The following TNN variants were observed in gnomAD, a reference collection of about 807,000 sequenced individuals.
TNN encodes tenascin-N.
Under a neutral mutation model 134.4 loss-of-function variants are expected in TNN, and 122 were observed. The ratio of observed to expected loss-of-function variants is 0.91; its 90% CI spans 0.78 to 1.06. The LOEUF (loss-of-function observed/expected upper bound fraction) is 1.06. TNN is among the 50% of genes least tolerant of loss of function. TNN has a pLI of 0.00. For synonymous variants in TNN, 710 were observed against 670.3 expected (o/e 1.06, Z -0.91); for missense variants, 1,739 against 1,699.4 (o/e 1.02, Z -0.41).
intron 12 of TNN, among the ~76,000 whole-genome samples, chr1:175,126,042 C>T (rs1240132241): frequency 6.7e-6 from 1 of 149,678 alleles, no homozygotes; most frequent in South Asian, 2.1e-4. Context: ...ACTGGGTATG[C>T]ATCTAAGGCC....
intron 9 of TNN, among the ~76,000 whole-genome samples, chr1:175,111,023 GAA>G (rs749532806): frequency 1.5e-5 from 2 of 134,310 alleles, no homozygotes; most frequent in African/African-American, 2.8e-5. Context: ...AAAAATACAA[GAA>G]AAAAAAAAAG....
At chr1:175,079,753 A>T (rs772530730) in intron 3 of TNN, 46 bp downstream of exon 3, 10 of 1,529,186 alleles carry the variant, frequency 6.5e-6, no homozygotes, top group Non-Finnish European at 8.8e-6. Context: ...CTTCTTTCCA[A>T]TGCACCATTT....
At chr1:175,072,608 C>G (rs1444289409) in intron 1 of TNN, among the ~76,000 whole-genome samples, 1 of 152,184 alleles carries the variant, frequency 6.6e-6, no homozygotes, top group East Asian at 1.9e-4. Context: ...CAAGGAGTCT[C>G]TTTCCTGCCA....
chr1:175,095,859 G>A (rs1019041103), intron 7 of TNN, among the ~76,000 whole-genome samples: 2 of 152,258 alleles, frequency 1.3e-5, no homozygotes, highest in East Asian at 3.8e-4. Context: ...ACAGGCGTGA[G>A]CCACCACGCC....
rs1374682817 is a variant in TNN, at chr1:175,102,595, G to C, written c.2119+4000G>C. Among the ~76,000 whole-genome samples, 5 of 146,032 alleles carry C rather than the reference G, an allele frequency of 3.4e-5. 1 individual carries two copies. The highest frequency in any genetic ancestry group is 7.6e-5 in the Non-Finnish European group (5 of 65,646). ...CAGCAGGGCTGGCCGGCTGCTCTGA[G>C]TGCGGGGCCCTCCAAGCCCATGCCC... is the stretch of plus-strand genomic sequence containing the variant. On this transcript the variant is annotated intron_variant, in intron 9 of 18. Coordinates refer to ENST00000239462, the MANE Select transcript of TNN (RefSeq NM_022093.2).
chr1:175,124,888 G>A (rs554231841), intron 12 of TNN, among the ~76,000 whole-genome samples: 1 of 151,556 alleles, frequency 6.6e-6, no homozygotes, highest in East Asian at 1.9e-4. Flanking sequence ...TCTTCTCTTG[G>A]GTTCACCTTC....
At chr1:175,080,549 C>A in intron 4 of TNN, 123 bp downstream of exon 4, 2 of 1,217,716 alleles carry the variant, frequency 1.6e-6, no homozygotes, top group Non-Finnish European at 2.3e-6. Context: ...CTGCCACAAT[C>A]CTAGGTTCTG....
At chr1:175,108,334 C>T (rs59532648) in intron 9 of TNN, among the ~76,000 whole-genome samples, 2,723 of 152,314 alleles carry the variant, frequency 0.018, 79 homozygotes, top group African/African-American at 0.062. Context: ...TGTTTACAAT[C>T]TCTGAGCTAG....
At chr1:175,135,589 G>A (rs573233511) in intron 15 of TNN, among the ~76,000 whole-genome samples, 1 of 152,186 alleles carries the variant, frequency 6.6e-6, no homozygotes, top group African/African-American at 2.4e-5. Flanking sequence ...CTAATGGAAA[G>A]AATTGAAATT....
At chr1:175,134,412 G>A (rs1055781282) in intron 15 of TNN, among the ~76,000 whole-genome samples, 1 of 152,044 alleles carries the variant, frequency 6.6e-6, no homozygotes, top group African/African-American at 2.4e-5. Context: ...GGGCATGGTG[G>A]TGTGTGCCTG....
intron 7 of TNN, among the ~76,000 whole-genome samples, chr1:175,095,782 C>T (rs1674556062): frequency 6.6e-6 from 1 of 152,220 alleles, no homozygotes; most frequent in Non-Finnish European, 1.5e-5. Flanking sequence ...CTGTGTTCCC[C>T]AGGCTGGTCT....
At chr1:175,108,504 A>C (rs898854456) in intron 9 of TNN, among the ~76,000 whole-genome samples, 168 of 152,340 alleles carry the variant, frequency 1.1e-3, no homozygotes, top group Admixed American at 2.7e-3. Context: ...GCCGTGGAGC[A>C]GGGGATGGTA....
chr1:175,127,111 C>T (rs1301984042), intron 13 of TNN, 26 bp downstream of exon 13: 1 of 1,606,552 alleles, frequency 6.2e-7, no homozygotes, highest in South Asian at 1.1e-5. Flanking sequence ...GTCTTTTCTC[C>T]TGGTGCCTTC....
At chr1:175,135,991 C>A in intron 16 of TNN, 50 bp downstream of exon 16, 1 of 1,375,010 alleles carries the variant, frequency 7.3e-7, no homozygotes, top group Non-Finnish European at 1.0e-6. Context: ...TGATTTCTCC[C>A]AGGACAAGCT....
Position 175,126,838 on chromosome 1 carries a change from AAAG to A in TNN, c.2915-113_2915-111del, listed in dbSNP as rs1675540875. 2 of 1,191,100 alleles carry A rather than the reference AAAG, an allele frequency of 1.7e-6. 1 individual carries two copies. Among genetic ancestry groups the A allele is most frequent in the Admixed American group, 5.5e-5 (2 of 36,458 alleles). The allele number at this position is 1,191,100 out of a possible 1,614,324, so 73.8% of individuals were successfully genotyped here. ...AGGAAGAGAGCCTGCAAACTGCTTG[AAAG>A]AAGGAGGAGAAATGGGAGGGTTTGA... On this transcript the variant is annotated intron_variant, in intron 12 of 18. Coordinates refer to ENST00000239462, the MANE Select transcript of TNN (RefSeq NM_022093.2).
In TNN at chr1:175,098,677, A is replaced by G. The variant is rs145467608; in HGVS notation, c.2119+82A>G. Reference sequence around the variant, plus strand: ...GGTTTTCTTCTCTGACCTTGGCATAAAGGGGGACTTTATGGAAGAGCAGGT... The same window carrying G: ...GGTTTTCTTCTCTGACCTTGGCATAGAGGGGGACTTTATGGAAGAGCAGGT... On this transcript the variant is annotated intron_variant, in intron 9 of 18. Coordinates refer to ENST00000239462, the MANE Select transcript of TNN (RefSeq NM_022093.2). 8.2e-6 allele frequency: 13 copies of G among 1,587,506 alleles called. No individual in the cohort carries two copies. The East Asian group carries it at 2.2e-4, about 27-fold the overall frequency.
chr1:175,127,168 G>C (rs1675551452), intron 13 of TNN, 83 bp downstream of exon 13: 1 of 1,522,554 alleles, frequency 6.6e-7, no homozygotes, highest in Non-Finnish European at 8.8e-7. Flanking sequence ...TCATTTGCTG[G>C]CCTCACGGCA....
At chr1:175,099,484 G>A (rs981939420) in intron 9 of TNN, among the ~76,000 whole-genome samples, 9 of 151,284 alleles carry the variant, frequency 5.9e-5, no homozygotes, top group African/African-American at 2.2e-4. Flanking sequence ...AGGAAGAGGA[G>A]AGATGAGGCA....
chr1:175,143,073 C>A (rs188366997), intron 17 of TNN, among the ~76,000 whole-genome samples: 1 of 152,232 alleles, frequency 6.6e-6, no homozygotes, highest in Non-Finnish European at 1.5e-5. Context: ...CAGAAAGAAC[C>A]CTGGACTTGG....
Sources: allele counts gnomAD v4.1 joint callset (sites outside exome capture counted in the v4.1 genomes callset), GRCh38; gene constraint gnomAD v4.1.1; transcripts MANE v1.5; gene names NCBI Gene and HGNC (gene_info 2026-07-23, HGNC 2026-07-21).